Variants in MYO9B observed in about 807,000 individuals in gnomAD.
The protein encoded by MYO9B is unconventional myosin-IXb.
A neutral mutation model predicts 229.5 loss-of-function variants in MYO9B; 71 were observed. That is an observed-to-expected ratio of 0.31 (90% CI 0.26 to 0.38). The LOEUF is 0.38. Ranked by LOEUF, MYO9B falls within the 10% of genes least tolerant of loss-of-function variation. The pLI is 1.00. For synonymous variants in MYO9B, 1,185 were observed against 1,235.8 expected, an observed-to-expected ratio of 0.96 and a Z score of 0.86; for missense variants, 2,255 against 2,920.5, an observed-to-expected ratio of 0.77 and a Z score of 5.25.
At chr19:17,166,443 CTATT>C (rs758261560) in intron 10 of MYO9B, among the ~76,000 whole-genome samples, 1 of 151,742 alleles carries the variant, frequency 6.6e-6, no homozygotes, top group Non-Finnish European at 1.5e-5. Flanking sequence ...GTTTATGTAA[CTATT>C]AATGTATTCA....
chr19:17,197,822 C>A lies in MYO9B; in HGVS notation c.4077C>A (p.Asp1359Glu). ...EERRTSFSTS[D>E]VSKLLPSLAK... is the part of the protein sequence containing the mutation. ...GGCGCACCTCCTTCTCCACGAGCGA[C>A]GTCTCCAAGCTCCTCCCGTCCCTGG... Residue 1359 changes from aspartate to glutamate, a missense_variant, in exon 23 of 40, where the codon GAC becomes GAA. This residue lies in a region of MYO9B where 679 missense variants were observed against 770.2 expected (regional missense o/e 0.88). Coordinates refer to ENST00000682292, the MANE Select transcript of MYO9B (RefSeq NM_004145.4). 1 of 1,613,762 alleles carries A rather than the reference C, an allele frequency of 6.2e-7. No homozygotes were observed. Among genetic ancestry groups the A allele is most frequent in the East Asian group, 2.2e-5 (1 of 44,882 alleles).
In MYO9B at chr19:17,200,716, C is replaced by A. The variant is rs192317622; in HGVS notation, c.4450C>A (p.Arg1484=). The change falls in exon 26 of 40, where the codon CGA becomes AGA. Residue 1484 remains arginine (R), a synonymous_variant. Coordinates refer to ENST00000682292, the MANE Select transcript of MYO9B (RefSeq NM_004145.4). ...ACCAGGAGGCAAAGGGAAGAAGAAC[C>A]GAAATGTCAAGATTGGGAAGATCAC... ...KEPGGKGKKN[R]NVKIGKITVS... is the part of the protein sequence containing the mutation. The A allele has an allele frequency of 1.6e-4, 254 of 1,614,024 alleles. No homozygotes were observed. Among genetic ancestry groups the A allele is most frequent in the Middle Eastern group, 9.9e-4 (6 of 6,062 alleles).
chr19:17,098,408 G>C (rs1035837759), intron 1 of MYO9B, among the ~76,000 whole-genome samples: 4 of 152,084 alleles, frequency 2.6e-5, no homozygotes, highest in Non-Finnish European at 5.9e-5. Flanking sequence ...TTGTCCTTTA[G>C]GATAATCACT....
At chr19:17,098,343 C>T (rs757812831) in intron 1 of MYO9B, among the ~76,000 whole-genome samples, 1 of 152,224 alleles carries the variant, frequency 6.6e-6, no homozygotes, top group Non-Finnish European at 1.5e-5. Flanking sequence ...GCGTGAGCGA[C>T]CGCGCCTGGT....
intron 13 of MYO9B, 77 bp downstream of exon 13, chr19:17,173,040 C>T: frequency 1.3e-6 from 2 of 1,497,356 alleles, no homozygotes; most frequent in South Asian, 2.3e-5. Context: ...TTAAAGTGAA[C>T]ACTTCAGTGG....
chr19:17,096,936 C>T (rs914593157), intron 1 of MYO9B, among the ~76,000 whole-genome samples: 6 of 151,000 alleles, frequency 4.0e-5, no homozygotes, highest in African/African-American at 7.3e-5. Context: ...GTGATCCGCC[C>T]GCCTCTGCTT....
intron 35 of MYO9B, chr19:17,207,896 G>C (rs2073180331): frequency 6.6e-6 from 1 of 152,188 alleles, no homozygotes; most frequent in South Asian, 2.1e-4. Context: ...TGTAATCCCA[G>C]CTACTTGGGA....
At chr19:17,171,403 G>C (rs2072723556) in intron 11 of MYO9B, among the ~76,000 whole-genome samples, 1 of 152,024 alleles carries the variant, frequency 6.6e-6, no homozygotes, top group African/African-American at 2.4e-5. Flanking sequence ...TCCAACTGTG[G>C]AGCAGGAGAA....
At chr19:17,200,616 G>A (rs768710588) in intron 25 of MYO9B, 23 bp from the exon 26 acceptor site, 80 of 1,596,290 alleles carry the variant, frequency 5.0e-5, no homozygotes, top group South Asian at 2.5e-4. Context: ...CACCCTCACC[G>A]GCTGCTTCCT....
At chr19:17,093,484 G>A (rs73518852) in intron 1 of MYO9B, among the ~76,000 whole-genome samples, 4,075 of 152,200 alleles carry the variant, frequency 0.027, 187 homozygotes, top group African/African-American at 0.094. Flanking sequence ...GTCCTGGGAC[G>A]ACCAGGTGAG....
chr19:17,205,617 A>C (rs1202152651), intron 31 of MYO9B, among the ~76,000 whole-genome samples: 1 of 151,928 alleles, frequency 6.6e-6, no homozygotes, highest in Non-Finnish European at 1.5e-5. Flanking sequence ...AGGCCCCCCA[A>C]CTCTGTGCAT....
At chr19:17,108,400 G>C (rs1484467512) in intron 2 of MYO9B, among the ~76,000 whole-genome samples, 2 of 152,140 alleles carry the variant, frequency 1.3e-5, no homozygotes, top group African/African-American at 2.4e-5. Context: ...ATTCAGGGCC[G>C]GATCGTTCTC....
chr19:17,155,098 A>G (rs1215395627), intron 6 of MYO9B, among the ~76,000 whole-genome samples: 1 of 152,142 alleles, frequency 6.6e-6, no homozygotes, highest in Non-Finnish European at 1.5e-5. Context: ...GTACCGCTTC[A>G]TTTCAGCTCG....
At chr19:17,162,274 C>T (rs2072611812) in intron 8 of MYO9B, 76 bp from the exon 9 acceptor site, 5 of 1,272,776 alleles carry the variant, frequency 3.9e-6, no homozygotes, top group African/African-American at 1.5e-5. Flanking sequence ...CACTGCACTC[C>T]AGCCTGGATG....
At position 17,101,546 on chromosome 19, in the gene MYO9B, G is replaced by A; in HGVS notation, c.-58-114G>A. ...CTGGCTTTTTGGGCGAGCCTAGTCGGGTGGGGAACTCCAGCATCGGGTCAG... is the reference window on the plus strand; with the variant it reads ...CTGGCTTTTTGGGCGAGCCTAGTCGAGTGGGGAACTCCAGCATCGGGTCAG... On this transcript the variant is annotated intron_variant, in intron 1 of 39. Coordinates refer to ENST00000682292, the MANE Select transcript of MYO9B (RefSeq NM_004145.4). This position sits in a 1 kb window ranked among gnomAD's most constrained non-coding sequence, Gnocchi z 4.7. 1 of 1,079,786 alleles carries A rather than the reference G, an allele frequency of 9.3e-7. No homozygotes were observed. Among genetic ancestry groups the A allele is most frequent in the Non-Finnish European group, 1.3e-6 (1 of 778,914 alleles). 66.9% of individuals were successfully genotyped at this position (1,079,786 alleles called of 1,614,324 possible).
At chr19:17,169,722 C>G (rs572191473) in intron 11 of MYO9B, among the ~76,000 whole-genome samples, 2 of 151,688 alleles carry the variant, frequency 1.3e-5, no homozygotes, top group Admixed American at 1.3e-4. Flanking sequence ...CCACATCACT[C>G]CAGTCCCTGC....
intron 2 of MYO9B, among the ~76,000 whole-genome samples, chr19:17,139,176 C>CA (rs1219880204): frequency 2.6e-5 from 4 of 151,502 alleles, no homozygotes; most frequent in Admixed American, 1.3e-4. Context: ...GACTCGATCT[C>CA]AAAAAAAGCA....
Position 17,202,195 on chromosome 19 carries a change from G to A in MYO9B, c.4728G>A (p.Leu1576=), listed in dbSNP as rs1180921833. Residue 1576 remains leucine (L), a synonymous_variant, in exon 28 of 40, where the codon CTG becomes CTA. Coordinates refer to ENST00000682292, the MANE Select transcript of MYO9B (RefSeq NM_004145.4). The part of the protein sequence containing the change: ...MENYQIVVSN[L]ATERGQKDTN... ...ACTACCAGATCGTCGTCAGCAACCT[G>A]GCCACTGAGCGTGGCCAGAAGGACA... is the stretch of plus-strand genomic sequence containing the variant. 1.9e-6 allele frequency: 3 copies of A among 1,613,426 alleles called. No individual in the cohort carries two copies. The highest frequency in any genetic ancestry group is 2.2e-5 in the South Asian group (2 of 91,008).
Position 17,113,906 on chromosome 19 carries a change from A to G in MYO9B, c.840+11349A>G, listed in dbSNP as rs567080804. Reference sequence around the variant, plus strand: ...GGTCAGTTTTAGACCTCACAGTCAGAAACCCTTGGGGACAGAGGCCAGGCT... The same window carrying G: ...GGTCAGTTTTAGACCTCACAGTCAGGAACCCTTGGGGACAGAGGCCAGGCT... On this transcript the variant is annotated intron_variant, in intron 2 of 39. Transcript: ENST00000682292. 2.0e-5 allele frequency among the ~76,000 whole-genome samples: 3 copies of G among 152,246 alleles called. No individual in the cohort carries two copies. The East Asian group carries it at 5.8e-4, about 29-fold the overall frequency.
Sources: gnomAD v4.1 joint callset for allele counts (sites outside exome capture counted in the v4.1 genomes callset) on GRCh38, gnomAD v4.1.1 for gene constraint, gnomAD v4.1.1 regional missense constraint, Gnocchi (gnomAD v3.1) non-coding constraint, MANE v1.5 for transcripts, NCBI Gene and HGNC (gene_info 2026-07-23, HGNC 2026-07-21) for gene names.